The following PDK1 variants were observed in gnomAD, a reference collection of about 807,000 sequenced individuals.
PDK1 encodes [Pyruvate dehydrogenase (acetyl-transferring)] kinase isozyme 1, mitochondrial.
PDK1 carries 39 observed loss-of-function variants against 54.2 expected under a neutral mutation model. The observed-to-expected ratio is 0.72, with a 90% CI of 0.56 to 0.94. The LOEUF is 0.94. Among genes scored for constraint, PDK1 ranks in the 40% least tolerant of loss-of-function variants. PDK1 has a pLI of 0.00. For synonymous variants in PDK1, 221 were observed against 207.1 expected (o/e 1.07, Z -0.58); for missense variants, 552 against 566.0 (o/e 0.98, Z 0.25).
chr2:172,709,194 G>A, the PDK1 span, among the ~76,000 whole-genome samples: 2 of 152,272 alleles, frequency 1.3e-5, no homozygotes, highest in African/African-American at 4.8e-5. Context: ...ACCACCCTAA[G>A]CCATCTTTTC....
chr2:172,614,144 G>C, the PDK1 span, among the ~76,000 whole-genome samples: 2 of 149,958 alleles, frequency 1.3e-5, no homozygotes. Context: ...AATCTCTGCA[G>C]CCTGTGCCCT....
the PDK1 span, among the ~76,000 whole-genome samples, chr2:172,646,704 T>C: frequency 6.9e-6 from 1 of 144,518 alleles, no homozygotes; most frequent in Non-Finnish European, 1.5e-5. Context: ...GATTTTTGCT[T>C]CAAGTCAGAG....
chr2:172,707,855 G>A, the PDK1 span, among the ~76,000 whole-genome samples: 1 of 152,128 alleles, frequency 6.6e-6, no homozygotes, highest in Non-Finnish European at 1.5e-5. Flanking sequence ...AAATAGAAAT[G>A]TTTGCTTAAA....
the PDK1 span, among the ~76,000 whole-genome samples, chr2:172,641,866 GGAA>G: frequency 3.9e-5 from 6 of 152,176 alleles, no homozygotes; most frequent in East Asian, 3.8e-4. Context: ...CCTGCCTTGG[GGAA>G]GAAGAATTCT....
At chr2:172,660,652 T>G in the PDK1 span, among the ~76,000 whole-genome samples, 1 of 152,096 alleles carries the variant, frequency 6.6e-6, no homozygotes, top group Admixed American at 6.6e-5. Flanking sequence ...CCTTGAAATT[T>G]TATTTATGCT....
chr2:172,622,296 GAT>G, the PDK1 span, among the ~76,000 whole-genome samples: 1 of 144,542 alleles, frequency 6.9e-6, no homozygotes, highest in Non-Finnish European at 1.5e-5. Context: ...TATTATGTGA[GAT>G]ATGTTTATAT....
chr2:172,696,987 T>G, the PDK1 span, among the ~76,000 whole-genome samples: 5 of 152,188 alleles, frequency 3.3e-5, no homozygotes, highest in Admixed American at 2.0e-4. Context: ...TCTATCCCAA[T>G]TAGTTTAAGT....
At chr2:172,633,025 T>C in the PDK1 span, among the ~76,000 whole-genome samples, 3 of 140,864 alleles carry the variant, frequency 2.1e-5, no homozygotes, top group South Asian at 7.0e-4. Context: ...CAAAGAAATA[T>C]AGTATACATT....
the PDK1 span, among the ~76,000 whole-genome samples, chr2:172,657,443 TAAA>T: frequency 7.5e-4 from 109 of 146,202 alleles, no homozygotes; most frequent in Middle Eastern, 3.6e-3. Flanking sequence ...ATACTGCTTT[TAAA>T]TGATGCTTAT....
the PDK1 span, among the ~76,000 whole-genome samples, chr2:172,669,484 G>C: frequency 6.6e-6 from 1 of 152,196 alleles, no homozygotes; most frequent in African/African-American, 2.4e-5. Context: ...AATAAACATG[G>C]GAGTGCAGAC....
At chr2:172,657,012 T>G in the PDK1 span, among the ~76,000 whole-genome samples, 1 of 152,162 alleles carries the variant, frequency 6.6e-6, no homozygotes, top group East Asian at 1.9e-4. Context: ...CAATTACAGT[T>G]TGTGTTCCTA....
chr2:172,592,605 A>G (rs981350839), intron 9 of PDK1, among the ~76,000 whole-genome samples: 11 of 152,148 alleles, frequency 7.2e-5, no homozygotes, highest in Admixed American at 6.5e-4. Flanking sequence ...TCCGCAGACC[A>G]AGAACCCACT....
chr2:172,707,400 C>A, the PDK1 span, among the ~76,000 whole-genome samples: 1 of 152,110 alleles, frequency 6.6e-6, no homozygotes, highest in East Asian at 1.9e-4. Context: ...TTTGACTAGG[C>A]TAGAGTGGAA....
intron 2 of PDK1, 68 bp downstream of exon 2, chr2:172,558,917 C>CTT: frequency 7.3e-7 from 1 of 1,362,728 alleles, no homozygotes; most frequent in South Asian, 1.3e-5. Flanking sequence ...ACAGCAAATG[C>CTT]TTTTTTTTAC....
the PDK1 span, among the ~76,000 whole-genome samples, chr2:172,673,190 C>G: frequency 2.0e-5 from 3 of 152,222 alleles, no homozygotes; most frequent in Non-Finnish European, 4.4e-5. Context: ...TCTTGCATCT[C>G]TTCTCAACCT....
At chr2:172,568,592 A>G (rs1476167847) in intron 6 of PDK1, 149 bp from the exon 7 acceptor site, 2 of 618,716 alleles carry the variant, frequency 3.2e-6, no homozygotes, top group Non-Finnish European at 5.8e-6. Context: ...TCAAACACTA[A>G]TACATTGAAG....
chr2:172,660,612 CA>C, the PDK1 span, among the ~76,000 whole-genome samples: 1 of 151,996 alleles, frequency 6.6e-6, no homozygotes, highest in Non-Finnish European at 1.5e-5. Flanking sequence ...CCTCCTTAAT[CA>C]TATTGTTCTT....
At chr2:172,646,689 C>G in the PDK1 span, among the ~76,000 whole-genome samples, 1 of 148,746 alleles carries the variant, frequency 6.7e-6, no homozygotes, top group African/African-American at 2.5e-5. Context: ...GGCTCTGTCC[C>G]CAGAGATTTT....
the PDK1 span, among the ~76,000 whole-genome samples, chr2:172,615,750 A>C: frequency 6.6e-6 from 1 of 152,270 alleles, no homozygotes; most frequent in African/African-American, 2.4e-5. Context: ...ATGCAAAAGA[A>C]TCAGTTATTG....
Sources: gnomAD v4.1 joint callset for allele counts (sites outside exome capture counted in the v4.1 genomes callset) on GRCh38, gnomAD v4.1.1 for gene constraint, MANE v1.5 for transcripts, NCBI Gene and HGNC (gene_info 2026-07-23, HGNC 2026-07-21) for gene names.